PHLPP1: variants seen among roughly 807,000 people sequenced by gnomAD.
PHLPP1 encodes PH domain and leucine rich repeat protein phosphatase 1.
A neutral mutation model predicts 117.2 loss-of-function variants in PHLPP1; 42 were observed. That is an observed-to-expected ratio of 0.36 (90% CI 0.28 to 0.46). The LOEUF (loss-of-function observed/expected upper bound fraction) is 0.46, where lower values mean the gene tolerates loss of function less well. Among genes scored for constraint, PHLPP1 ranks in the 20% least tolerant of loss-of-function variants. The probability of loss-of-function intolerance (pLI) is 1.00; values close to 1 mark genes in which losing one functional copy is unlikely to be tolerated. For synonymous variants in PHLPP1, 1,042 were observed against 970.7 expected (o/e 1.07, Z -1.37); for missense variants, 2,084 against 2,241.9 (o/e 0.93, Z 1.42).
At chr18:62,760,377 C>G (rs1326715698) in intron 1 of PHLPP1, among the ~76,000 whole-genome samples, 1 of 152,148 alleles carries the variant, frequency 6.6e-6, no homozygotes, top group African/African-American at 2.4e-5. Context: ...AGTCCGAGAT[C>G]TGTAAGTTTT....
At chr18:62,967,095 A>G (rs1599145781) in intron 14 of PHLPP1, among the ~76,000 whole-genome samples, 1 of 152,300 alleles carries the variant, frequency 6.6e-6, no homozygotes, top group African/African-American at 2.4e-5. Flanking sequence ...AGCATTCCAT[A>G]GCATGGACAT....
chr18:62,897,355 A>T (rs1916589654), intron 6 of PHLPP1, among the ~76,000 whole-genome samples: 1 of 152,248 alleles, frequency 6.6e-6, no homozygotes, highest in Admixed American at 6.5e-5. Context: ...CCTACAGGAT[A>T]TTTAAATACC....
chr18:62,759,079 A>C (rs1318045850), intron 1 of PHLPP1, among the ~76,000 whole-genome samples: 1 of 152,208 alleles, frequency 6.6e-6, no homozygotes, highest in East Asian at 1.9e-4. Context: ...AACAGTCCTT[A>C]AGACAACTTG....
intron 12 of PHLPP1, among the ~76,000 whole-genome samples, chr18:62,951,477 A>G (rs1293310122): frequency 7.2e-5 from 11 of 152,188 alleles, no homozygotes; most frequent in Non-Finnish European, 1.6e-4. Flanking sequence ...TTCTGGAGAA[A>G]GGAGCACCAT....
chr18:62,852,909 G>A (rs1915395591), intron 3 of PHLPP1, among the ~76,000 whole-genome samples: 1 of 152,152 alleles, frequency 6.6e-6, no homozygotes, highest in South Asian at 2.1e-4. Flanking sequence ...TCTTGCAAGG[G>A]AAGATGAGAA....
chr18:62,963,593 T>C, intron 14 of PHLPP1, 121 bp downstream of exon 14: 1 of 661,140 alleles, frequency 1.5e-6, no homozygotes, highest in Non-Finnish European at 2.6e-6. Flanking sequence ...CTTTGAGTAT[T>C]GCAAGTTTCC....
At chr18:62,758,928 A>C (rs1485473391) in intron 1 of PHLPP1, among the ~76,000 whole-genome samples, 1 of 152,198 alleles carries the variant, frequency 6.6e-6, no homozygotes, top group African/African-American at 2.4e-5. Flanking sequence ...ACTAAGGAAA[A>C]AGGAAAATTT....
chr18:62,717,791 C>T (rs900375684), intron 1 of PHLPP1, among the ~76,000 whole-genome samples: 1 of 152,108 alleles, frequency 6.6e-6, no homozygotes, highest in Non-Finnish European at 1.5e-5. Context: ...AAATTACCCA[C>T]GGAGCCCTCA....
chr18:62,835,326 C>T (rs1463849629), intron 2 of PHLPP1, among the ~76,000 whole-genome samples: 1 of 151,808 alleles, frequency 6.6e-6, no homozygotes, highest in Non-Finnish European at 1.5e-5. Flanking sequence ...GCCTCAGCCT[C>T]CCGAGTAGCT....
At chr18:62,865,939 G>A (rs1280498878) in intron 4 of PHLPP1, among the ~76,000 whole-genome samples, 5 of 152,128 alleles carry the variant, frequency 3.3e-5, no homozygotes, top group African/African-American at 4.8e-5. Context: ...GATACTAGGC[G>A]TAGTACCTGG....
intron 12 of PHLPP1, among the ~76,000 whole-genome samples, chr18:62,945,728 C>A (rs936096385): frequency 1.3e-5 from 2 of 152,228 alleles, no homozygotes; most frequent in African/African-American, 4.8e-5. Flanking sequence ...TGGTAATTCC[C>A]TATATAGACA....
intron 4 of PHLPP1, among the ~76,000 whole-genome samples, chr18:62,867,904 C>T (rs1177671140): frequency 6.6e-6 from 1 of 152,010 alleles, no homozygotes; most frequent in East Asian, 1.9e-4. Context: ...CTCCGCCTCC[C>T]AGATTCACGC....
chr18:62,773,136 A>G (rs1024569370), intron 1 of PHLPP1, among the ~76,000 whole-genome samples: 3 of 152,148 alleles, frequency 2.0e-5, no homozygotes, highest in African/African-American at 7.2e-5. Flanking sequence ...AGGCTGCTGG[A>G]GTTTTGAGAG....
At chr18:62,918,205 C>CAAAAA (rs11317555) in intron 9 of PHLPP1, among the ~76,000 whole-genome samples, 1 of 80,622 alleles carries the variant, frequency 1.2e-5, no homozygotes, top group Admixed American at 1.5e-4. Context: ...GACTCTGTCT[C>CAAAAA]AAAAAAAAAA....
chr18:62,793,304 A>G (rs1364522542), intron 1 of PHLPP1, among the ~76,000 whole-genome samples: 1 of 152,224 alleles, frequency 6.6e-6, no homozygotes, highest in Non-Finnish European at 1.5e-5. Flanking sequence ...AAATTGAATA[A>G]TGGTTCTGGT....
intron 1 of PHLPP1, among the ~76,000 whole-genome samples, chr18:62,765,760 C>G (rs1461076657): frequency 3.3e-5 from 5 of 151,962 alleles, no homozygotes; most frequent in African/African-American, 1.2e-4. Flanking sequence ...CTATGGGAAG[C>G]CAAGGCGGGT....
chr18:62,815,163 C>CTT (rs397858926), intron 1 of PHLPP1, among the ~76,000 whole-genome samples: 15 of 136,864 alleles, frequency 1.1e-4, no homozygotes, highest in African/African-American at 1.1e-4. Flanking sequence ...TTTTTTTCCT[C>CTT]TTTTTTTTTT....
At chr18:62,826,857 G>A (rs1308433025) in intron 1 of PHLPP1, among the ~76,000 whole-genome samples, 4 of 152,072 alleles carry the variant, frequency 2.6e-5, no homozygotes, top group Admixed American at 1.3e-4. Flanking sequence ...AAAATTAGCC[G>A]GGCATGGTGG....
intron 1 of PHLPP1, among the ~76,000 whole-genome samples, chr18:62,792,738 G>A (rs2144291359): frequency 6.6e-6 from 1 of 152,000 alleles, no homozygotes; most frequent in African/African-American, 2.4e-5. Flanking sequence ...ATGGTGGTGT[G>A]CACCTAGGTT....
Sources: allele counts gnomAD v4.1 joint callset (sites outside exome capture counted in the v4.1 genomes callset), GRCh38; gene constraint gnomAD v4.1.1; transcripts MANE v1.5; gene names NCBI Gene and HGNC (gene_info 2026-07-23, HGNC 2026-07-21).